Variants in ARL15 observed in about 807,000 individuals in gnomAD.
ARL15 encodes ADP-ribosylation factor-like protein 15.
Under a neutral mutation model 25.2 loss-of-function variants are expected in ARL15, and 19 were observed. That is an observed-to-expected ratio of 0.75 (90% CI 0.53 to 1.10). The LOEUF is 1.10. ARL15 is among the 50% of genes least tolerant of loss of function. ARL15 has a pLI of 0.00. For synonymous variants in ARL15, 94 were observed against 86.8 expected (o/e 1.08, Z -0.46); for missense variants, 220 against 246.0 (o/e 0.89, Z 0.71).
In ARL15 at chr5:54,308,371, T is replaced by G. The variant is rs1014108944; in HGVS notation, c.48+2061A>C. The stretch of plus-strand genomic sequence containing the variant: ...GGGGTTGGTCACTGCACTTGTGAAT[T>G]TTAGATGGATAAAGTGGCAAAATAA... On this transcript the variant is annotated intron_variant, in intron 1 of 4. Coordinates refer to ENST00000504924, the MANE Select transcript of ARL15 (RefSeq NM_019087.3). 2.0e-5 allele frequency among the ~76,000 whole-genome samples: 3 copies of G among 151,960 alleles called. No individual in the cohort carries two copies. The South Asian group carries it at 6.2e-4, about 32-fold the overall frequency.
chr5:53,988,537 T>A (rs911114151), intron 4 of ARL15, among the ~76,000 whole-genome samples: 1 of 152,136 alleles, frequency 6.6e-6, no homozygotes, highest in African/African-American at 2.4e-5. Context: ...TAAAAAAGAA[T>A]GAGTTGACAT....
intron 3 of ARL15, among the ~76,000 whole-genome samples, chr5:54,133,379 T>A (rs969170592): frequency 3.3e-5 from 5 of 152,052 alleles, no homozygotes; most frequent in East Asian, 1.9e-4. Flanking sequence ...TAAAAATGAG[T>A]TGATAAGGAG....
chr5:53,918,732 C>T (rs1025274913), intron 4 of ARL15, among the ~76,000 whole-genome samples: 14 of 151,740 alleles, frequency 9.2e-5, no homozygotes, highest in Non-Finnish European at 4.4e-5. Context: ...GCCACACAGA[C>T]CATTGACAGT....
intron 3 of ARL15, among the ~76,000 whole-genome samples, chr5:54,124,906 G>T (rs1292303245): frequency 6.6e-6 from 1 of 152,092 alleles, no homozygotes; most frequent in Non-Finnish European, 1.5e-5. Context: ...CCCACTTCTT[G>T]ATATTGACCC....
At chr5:54,272,946 C>T (rs1757827475) in intron 1 of ARL15, among the ~76,000 whole-genome samples, 1 of 152,150 alleles carries the variant, frequency 6.6e-6, no homozygotes, top group Non-Finnish European at 1.5e-5. Context: ...GGCTGGACCA[C>T]ATGAAAGTGG....
chr5:54,200,983 A>C (rs562304849), intron 1 of ARL15, among the ~76,000 whole-genome samples: 1 of 152,136 alleles, frequency 6.6e-6, no homozygotes, highest in Non-Finnish European at 1.5e-5. Context: ...CAGTTGGATG[A>C]TCACGATACA....
At chr5:54,033,871 T>C (rs1561196799) in intron 4 of ARL15, among the ~76,000 whole-genome samples, 1 of 152,134 alleles carries the variant, frequency 6.6e-6, no homozygotes, top group Non-Finnish European at 1.5e-5. Context: ...TGGAGTGCAG[T>C]GGCCTGATCT....
intron 4 of ARL15, among the ~76,000 whole-genome samples, chr5:54,095,947 A>G (rs534870342): frequency 6.6e-6 from 1 of 152,256 alleles, no homozygotes; most frequent in South Asian, 2.1e-4. Flanking sequence ...ATGACAGGAG[A>G]TTGTTGTGGT....
chr5:54,228,383 G>C (rs1262317572), intron 1 of ARL15, among the ~76,000 whole-genome samples: 1 of 152,034 alleles, frequency 6.6e-6, no homozygotes, highest in Non-Finnish European at 1.5e-5. Context: ...ATAAACCCAG[G>C]GGGTAGAATA....
intron 3 of ARL15, among the ~76,000 whole-genome samples, chr5:54,116,788 A>C (rs897564966): frequency 2.0e-5 from 3 of 152,206 alleles, no homozygotes; most frequent in Admixed American, 6.5e-5. Flanking sequence ...CAAAACACAA[A>C]ACGATTATGT....
chr5:54,294,040 C>G (rs1758407467), intron 1 of ARL15, among the ~76,000 whole-genome samples: 1 of 152,164 alleles, frequency 6.6e-6, no homozygotes, highest in Non-Finnish European at 1.5e-5. Flanking sequence ...GTCTTGAACT[C>G]CTGACCTCAT....
At chr5:54,041,600 A>C (rs2111946529) in intron 4 of ARL15, among the ~76,000 whole-genome samples, 1 of 152,334 alleles carries the variant, frequency 6.6e-6, no homozygotes, top group East Asian at 1.9e-4. Context: ...AAATATTATT[A>C]CAATCACATG....
chr5:54,165,753 T>TATATAA (rs1213106045), intron 2 of ARL15, among the ~76,000 whole-genome samples: 15 of 150,748 alleles, frequency 1.0e-4, no homozygotes, highest in Non-Finnish European at 1.9e-4. Context: ...TATATATATA[T>TATATAA]AAATAGAGAC....
chr5:53,907,457 CAT>C (rs1174664612), intron 4 of ARL15, among the ~76,000 whole-genome samples: 319 of 23,844 alleles, frequency 0.013, 6 homozygotes, highest in East Asian at 0.061. Flanking sequence ...CTTAAGAGTT[CAT>C]ATATATATAT....
chr5:53,918,855 G>T (rs566686539), intron 4 of ARL15, among the ~76,000 whole-genome samples: 5 of 151,100 alleles, frequency 3.3e-5, no homozygotes, highest in Admixed American at 3.3e-4. Flanking sequence ...CATTATTTTC[G>T]AAGGTCCATT....
intron 4 of ARL15, among the ~76,000 whole-genome samples, chr5:54,043,285 C>A (rs1472667029): frequency 6.6e-6 from 1 of 151,960 alleles, no homozygotes; most frequent in Non-Finnish European, 1.5e-5. Context: ...CTTCCCAGAG[C>A]TAGGGGTATG....
At chr5:54,294,633 A>G (rs1258338443) in intron 1 of ARL15, among the ~76,000 whole-genome samples, 1 of 152,244 alleles carries the variant, frequency 6.6e-6, no homozygotes, top group Non-Finnish European at 1.5e-5. Context: ...AGGGCTACAC[A>G]GCAGAATTAA....
At chr5:53,932,063 G>A (rs755944440) in intron 4 of ARL15, among the ~76,000 whole-genome samples, 4 of 152,172 alleles carry the variant, frequency 2.6e-5, no homozygotes, top group African/African-American at 4.8e-5. Context: ...TTCACACTTT[G>A]CTGGGTCTGA....
At chr5:54,002,206 A>T (rs552125866) in intron 4 of ARL15, among the ~76,000 whole-genome samples, 49 of 152,336 alleles carry the variant, frequency 3.2e-4, no homozygotes, top group African/African-American at 1.1e-3. Context: ...CAGATCCAGG[A>T]CACACATGGA....
Sources: allele counts gnomAD v4.1 joint callset (sites outside exome capture counted in the v4.1 genomes callset), GRCh38; gene constraint gnomAD v4.1.1; transcripts MANE v1.5; gene names NCBI Gene and HGNC (gene_info 2026-07-23, HGNC 2026-07-21).